Variants in ATG16L2 observed in about 807,000 individuals in gnomAD.
ATG16L2 encodes the protein autophagy related 16 like 2.
A neutral mutation model predicts 84.7 loss-of-function variants in ATG16L2; 77 were observed. The ratio of observed to expected loss-of-function variants is 0.91; its 90% CI spans 0.76 to 1.10. The LOEUF is 1.10. Among genes scored for constraint, ATG16L2 ranks in the 50% least tolerant of loss-of-function variants. The pLI is 0.00. For missense variants in ATG16L2, 782 were observed against 817.6 expected, an observed-to-expected ratio of 0.96 and a Z score of 0.53; for synonymous variants, 361 against 342.8, an observed-to-expected ratio of 1.05 and a Z score of -0.59.
chr11:72,842,704 G>A (rs755994711), exon 6 of ATG16L2: 15 of 1,613,788 alleles, frequency 9.3e-6, no homozygotes, highest in Middle Eastern at 1.6e-4. Context: ...ACTCCAATAC[G>A]CCCATTGAAT....
chr11:72,835,562 A>C (rs1029981993), intron 5 of ATG16L2, among the ~76,000 whole-genome samples: 10 of 152,134 alleles, frequency 6.6e-5, no homozygotes, highest in Admixed American at 1.3e-4. Flanking sequence ...ATGGCTGTCA[A>C]GTGGCAGAGC....
Position 72,829,508 on chromosome 11 carries a change from G to A in ATG16L2, c.*118G>A. The A allele has an allele frequency of 1.4e-6, 2 of 1,453,050 alleles. No individual in the cohort carries two copies. Among genetic ancestry groups the A allele is most frequent in the Non-Finnish European group, 1.8e-6 (2 of 1,102,308 alleles). 90.0% of individuals were successfully genotyped at this position (1,453,050 alleles called of 1,614,324 possible). A position where few individuals can be genotyped will look rare whatever the true frequency, so the allele number is the denominator to read the frequency against. ...GCCTTGGGATTTAATGGGGAAGAAG[G>A]CCTGGCAGGACCTGGCCTGTTTGTT... On this transcript the variant is annotated 3_prime_UTR_variant, in exon 18 of 18. Coordinates refer to ENST00000321297, the MANE Select transcript of ATG16L2 (RefSeq NM_033388.2).
At chr11:72,838,536 C>G in intron 5 of ATG16L2, 2 of 530,820 alleles carry the variant, frequency 3.8e-6, no homozygotes, top group Admixed American at 6.3e-5. Flanking sequence ...GAGGGCTGCC[C>G]CCCTCTTTGC....
downstream of ATG16L2, among the ~76,000 whole-genome samples, chr11:72,833,043 G>C (rs998510756): frequency 6.6e-6 from 1 of 152,206 alleles, no homozygotes; most frequent in African/African-American, 2.4e-5. Flanking sequence ...TGAGACCCCA[G>C]GGAGGGAGAA....
chr11:72,821,778 C>T, intron 4 of ATG16L2, 37 bp downstream of exon 4: 1 of 1,522,242 alleles, frequency 6.6e-7, no homozygotes. Context: ...ACCGCGCCCA[C>T]CTCAGGGAGG....
downstream of ATG16L2, among the ~76,000 whole-genome samples, chr11:72,832,302 G>A (rs1318997081): frequency 4.6e-5 from 7 of 152,124 alleles, no homozygotes; most frequent in African/African-American, 1.4e-4. Context: ...TACCACACAC[G>A]CTGCTGCCAT....
chr11:72,822,248 G>C lies in ATG16L2; in HGVS notation c.597G>C (p.Lys199Asn), dbSNP rs944873805. 6.7e-6 allele frequency: 10 copies of C among 1,498,522 alleles called. No homozygotes were observed. In the East Asian group the frequency reaches 2.0e-4, roughly 31 times the overall value. The allele number at this position is 1,498,522 out of a possible 1,614,324, so 92.8% of individuals were successfully genotyped here. A position where few individuals can be genotyped will look rare whatever the true frequency, so the allele number is the denominator to read the frequency against. Residue 199 changes from lysine to asparagine, a missense_variant, in exon 5 of 18, where the codon AAG becomes AAC. Physicochemically the swap from Lys to Asn is moderately conservative, Grantham distance 94 (BLOSUM62 0). Transcript: ENST00000321297. The surrounding 1 kb of genome is among the most constrained non-coding windows in gnomAD (Gnocchi z 4.2). ...RDLLERLVQR[K>N]ARAAAERNLR... ...TGCTGGAGAGGCTCGTGCAGCGCAA[G>C]GCGCGCGCCGCGGCCGAGCGCAACC...
rs780838487 is a variant in ATG16L2 at position 72,817,805 on chromosome 11, A to C, written c.268A>C (p.Arg90=). The C allele has an allele frequency of 6.2e-7, 1 of 1,613,470 alleles. No homozygotes were observed. Among genetic ancestry groups the C allele is most frequent in the Admixed American group, 1.7e-5 (1 of 60,012 alleles). The part of the protein sequence containing the change: ...SDQVPSLVAL[R]VKWQEEEEGL... ...CCAAGTCCCATCACTGGTCGCACTG[A>C]GGGTGAAGTGGCAGGAGGAGGAGGA... The change falls in exon 3 of 18, where the codon AGG becomes CGG. Residue 90 remains arginine, a synonymous_variant. Coordinates refer to ENST00000321297, the MANE Select transcript of ATG16L2 (RefSeq NM_033388.2).
chr11:72,819,632 C>T (rs1360306430), intron 3 of ATG16L2, among the ~76,000 whole-genome samples: 1 of 152,226 alleles, frequency 6.6e-6, no homozygotes, highest in Non-Finnish European at 1.5e-5. Context: ...GAGCTCCCAG[C>T]TCCCTTTGCC....
downstream of ATG16L2, among the ~76,000 whole-genome samples, chr11:72,833,199 A>G (rs1015134638): frequency 1.3e-5 from 2 of 152,200 alleles, no homozygotes; most frequent in Non-Finnish European, 2.9e-5. Context: ...TACCTGGGGC[A>G]GCACATTTGC....
At chr11:72,819,909 C>A (rs908859481) in intron 3 of ATG16L2, among the ~76,000 whole-genome samples, 3 of 152,082 alleles carry the variant, frequency 2.0e-5, no homozygotes, top group Non-Finnish European at 4.4e-5. Flanking sequence ...CCATGCCCGG[C>A]TAATTTTTTG....
At chr11:72,821,574 G>A in intron 3 of ATG16L2, 94 bp from the exon 4 acceptor site, 1 of 1,493,386 alleles carries the variant, frequency 6.7e-7, no homozygotes, top group Non-Finnish European at 8.9e-7. Flanking sequence ...GGGGCGGGCA[G>A]GTGAGCAGCC....
downstream of ATG16L2, among the ~76,000 whole-genome samples, chr11:72,831,961 C>T (rs1242077307): frequency 1.3e-5 from 2 of 152,202 alleles, no homozygotes; most frequent in Non-Finnish European, 2.9e-5. Context: ...GTGTGTGCCC[C>T]CTGCCTGCTA....
exon 6 of ATG16L2, chr11:72,842,898 C>T: frequency 7.4e-7 from 1 of 1,343,610 alleles, no homozygotes; most frequent in South Asian, 1.2e-5. Context: ...GTTGCTTTTG[C>T]AACCACCCCT....
At chr11:72,817,891 G>C in intron 3 of ATG16L2, 36 bp downstream of exon 3, 1 of 1,570,344 alleles carries the variant, frequency 6.4e-7, no homozygotes, top group Non-Finnish European at 8.7e-7. Flanking sequence ...GGGGTAGAGA[G>C]ATGTGGTCCA....
chr11:72,824,711 G>C (rs1438664765), intron 8 of ATG16L2, 23 bp from the exon 9 acceptor site: 1 of 1,599,054 alleles, frequency 6.3e-7, no homozygotes, highest in Non-Finnish European at 8.6e-7. Flanking sequence ...ATGCCCTCCT[G>C]ACCCCAACCC....
chr11:72,841,303 C>CCTGGGTG, intron 5 of ATG16L2: 1 of 796,482 alleles, frequency 1.3e-6, no homozygotes, highest in Non-Finnish European at 1.9e-6. Context: ...TGAACTCCAG[C>CCTGGGTG]CTGGGTGTCC....
In ATG16L2 at chr11:72,829,418, G is replaced by A. The variant is rs1160302852; in HGVS notation, c.*28G>A. 1 of 1,600,410 alleles carries A rather than the reference G, an allele frequency of 6.2e-7. No homozygotes were observed. The highest frequency in any genetic ancestry group is 8.5e-7 in the Non-Finnish European group (1 of 1,172,112). On this transcript the variant is annotated 3_prime_UTR_variant, in exon 18 of 18. Transcript: ENST00000321297. ...CCACGACCTGCCTGCCTGGGCTGGA[G>A]CTCTTGCCCGAAGCCTGAAGCTTCC... is the stretch of plus-strand genomic sequence containing the variant.
At chr11:72,821,925 T>A in intron 4 of ATG16L2, 119 bp from the exon 5 acceptor site, 1 of 1,423,886 alleles carries the variant, frequency 7.0e-7, no homozygotes, top group African/African-American at 1.5e-5. Flanking sequence ...GAGACCTGGC[T>A]TAGCCACCCG....
Sources: gnomAD v4.1 joint callset for allele counts (sites outside exome capture counted in the v4.1 genomes callset) on GRCh38, gnomAD v4.1.1 for gene constraint, Gnocchi (gnomAD v3.1) non-coding constraint, MANE v1.5 for transcripts, NCBI Gene and HGNC (gene_info 2026-07-23, HGNC 2026-07-21) for gene names.